The following GNB1L variants were observed in gnomAD, a reference collection of about 807,000 sequenced individuals.
GNB1L encodes G protein subunit beta 1 like.
Under a neutral mutation model 29.1 loss-of-function variants are expected in GNB1L, and 20 were observed. That is an observed-to-expected ratio of 0.69 (90% CI 0.48 to 1.00). The LOEUF is 1.00. Ranked by LOEUF, GNB1L falls within the 50% of genes least tolerant of loss-of-function variation. The probability of loss-of-function intolerance (pLI) is 0.00; values close to 1 mark genes in which losing one functional copy is unlikely to be tolerated. For synonymous variants in GNB1L, 193 were observed against 206.5 expected, an observed-to-expected ratio of 0.93 and a Z score of 0.56; for missense variants, 421 against 464.9, an observed-to-expected ratio of 0.91 and a Z score of 0.87.
At position 19,812,316 on chromosome 22, in the gene GNB1L, G is replaced by A. The variant is rs373590723; in HGVS notation, c.386C>T (p.Thr129Met). Residue 129 changes from threonine to methionine, a missense_variant, in exon 5 of 8, where the codon ACG becomes ATG. Physicochemically the swap from Thr to Met is moderately conservative, Grantham distance 81 (BLOSUM62 -1). Transcript: ENST00000329517. ...SILAGGQPRWTLAVPGRGSDE... is the reference protein window; with the variant it reads ...SILAGGQPRWMLAVPGRGSDE... ...GCTGCCCCTCCCTGGCACGGCAAGCGTCCAGCGTGGCTGGCCCCCGGCCAG... is the reference window on the plus strand; with the variant it reads ...GCTGCCCCTCCCTGGCACGGCAAGCATCCAGCGTGGCTGGCCCCCGGCCAG... 3.4e-5 allele frequency: 55 copies of A among 1,612,860 alleles called. No individual in the cohort carries two copies. Among genetic ancestry groups the A allele is most frequent in the African/African-American group, 4.0e-5 (3 of 74,936 alleles).
chr22:19,852,279 G>A, intron 2 of GNB1L: 1 of 1,584,516 alleles, frequency 6.3e-7, no homozygotes, highest in Non-Finnish European at 8.6e-7. Flanking sequence ...GCACAGGGGA[G>A]AAGAGAGGAG....
At chr22:19,793,056 A>C in intron 7 of GNB1L, 1 of 1,595,268 alleles carries the variant, frequency 6.3e-7, no homozygotes, top group Non-Finnish European at 8.5e-7. Flanking sequence ...CAAGCTCGAA[A>C]AGGCAAAGGC....
intron 2 of GNB1L, chr22:19,851,007 T>C: frequency 7.0e-7 from 1 of 1,419,268 alleles, no homozygotes; most frequent in Non-Finnish European, 9.2e-7. Flanking sequence ...GGGGAGCTGG[T>C]TCTGCTCAGC....
At chr22:19,795,995 G>C (rs1278666191) in intron 7 of GNB1L, among the ~76,000 whole-genome samples, 1 of 152,224 alleles carries the variant, frequency 6.6e-6, no homozygotes, top group Non-Finnish European at 1.5e-5. Context: ...AATCATCGAT[G>C]TGAGAACTGG....
chr22:19,792,674 C>A, intron 7 of GNB1L: 1 of 1,469,582 alleles, frequency 6.8e-7, no homozygotes, highest in Non-Finnish European at 9.4e-7. Flanking sequence ...GCAAACGGGA[C>A]GTCCCCACCA....
chr22:19,823,018 G>A (rs938942910), intron 2 of GNB1L, among the ~76,000 whole-genome samples: 8 of 152,194 alleles, frequency 5.3e-5, no homozygotes, highest in African/African-American at 1.9e-4. Context: ...GGCGGCATGG[G>A]GGAGGGCAGG....
intron 2 of GNB1L, chr22:19,846,448 T>G: frequency 5.1e-6 from 5 of 985,328 alleles, no homozygotes; most frequent in Non-Finnish European, 6.0e-6. Flanking sequence ...CTCCTCAGTA[T>G]GGGCCCCAGA....
At position 19,802,074 on chromosome 22, in the gene GNB1L, T is replaced by G; in HGVS notation, c.659A>C (p.Lys220Thr). ...CGCGGAGCCTGAGATGCCCCTGGCC[T>G]TCTGGGAGTCAAAGTCAAGGTCCAT... is the stretch of plus-strand genomic sequence containing the variant. ...PVMDLDFDSQKARGISGSAGK... is the reference protein window; with the variant it reads ...PVMDLDFDSQTARGISGSAGK... Residue 220 changes from lysine (K) to threonine (T), a missense_variant, in exon 7 of 8, where the codon AAG (lysine) becomes ACG (threonine). Transcript: ENST00000329517. The G allele has an allele frequency of 6.2e-7, 1 of 1,613,410 alleles. No individual in the cohort carries two copies. The highest frequency in any genetic ancestry group is 1.1e-5 in the South Asian group (1 of 91,032).
At position 19,801,850 on chromosome 22, in the gene GNB1L, C is replaced by T. The variant is rs918343719; in HGVS notation, c.732+151G>A. ...GCGCCCACGCCCCCTTCTTCCTGCG[C>T]CAGCCATGGACAGCCCCCCTGCACC... is the stretch of plus-strand genomic sequence containing the variant. On this transcript the variant is annotated intron_variant, in intron 7 of 7. Transcript: ENST00000329517. 1.0e-5 allele frequency: 7 copies of T among 681,842 alleles called. No homozygotes were observed. The Admixed American group carries it at 1.2e-4, about 11-fold the overall frequency. 42.2% of individuals were successfully genotyped at this position (681,842 alleles called of 1,614,324 possible). A position where few individuals can be genotyped will look rare whatever the true frequency, so the allele number is the denominator to read the frequency against.
intron 2 of GNB1L, among the ~76,000 whole-genome samples, chr22:19,832,030 TA>T (rs1480168587): frequency 2.0e-5 from 3 of 152,142 alleles, no homozygotes; most frequent in Non-Finnish European, 4.4e-5. Flanking sequence ...GGACAAAATA[TA>T]AAAAGCAACT....
chr22:19,839,308 GA>G, intron 2 of GNB1L, among the ~76,000 whole-genome samples: 1 of 152,206 alleles, frequency 6.6e-6, no homozygotes, highest in South Asian at 2.1e-4. Flanking sequence ...ATCTAGGGGG[GA>G]TGATGAATGA....
rs1425400098 is a variant in GNB1L at position 19,821,378 on chromosome 22, G to C, written c.-20-3C>G. 1 of 1,609,742 alleles carries C rather than the reference G, an allele frequency of 6.2e-7. No homozygotes were observed. The highest frequency in any genetic ancestry group is 2.2e-5 in the East Asian group (1 of 44,840). On this transcript the variant is annotated splice_polypyrimidine_tract_variant and splice_region_variant and intron_variant, in intron 2 of 7. Coordinates refer to ENST00000329517, the MANE Select transcript of GNB1L (RefSeq NM_053004.3). Reference sequence around the variant, plus strand: ...CATGCTGGGCAGGATGCAGTTACCTGGGCACCAAGGGAGGGCGTGTGAGTG... The same window carrying C: ...CATGCTGGGCAGGATGCAGTTACCTCGGCACCAAGGGAGGGCGTGTGAGTG...
In GNB1L at chr22:19,784,441, G is replaced by A. The variant is rs1192832557; in HGVS notation, c.*4268C>T. 2 of 152,282 alleles carry A rather than the reference G, an allele frequency of 1.3e-5. No individual in the cohort carries two copies. The highest frequency in any genetic ancestry group is 2.1e-4 in the South Asian group (1 of 4,832). The allele number at this position is 152,282 out of a possible 1,614,324, so 9.4% of individuals were successfully genotyped here. ...GGGACACCCACTGCCAGAGGCGGAG[G>A]CAGGTTCTCCTGGTCCCAGACCCAG... On this transcript the variant is annotated 3_prime_UTR_variant, in exon 8 of 8. Transcript: ENST00000329517.
chr22:19,819,507 A>ACGTT (rs1230292401), intron 4 of GNB1L, among the ~76,000 whole-genome samples: 1 of 152,174 alleles, frequency 6.6e-6, no homozygotes, highest in Non-Finnish European at 1.5e-5. Flanking sequence ...CCATCGCCAT[A>ACGTT]CGTTCACTAG....
At chr22:19,848,277 C>T (rs1362132805) in intron 2 of GNB1L, 27 of 985,316 alleles carry the variant, frequency 2.7e-5, no homozygotes, top group Non-Finnish European at 3.3e-5. Context: ...AGAGCCAGCA[C>T]CATGGCCCGT....
chr22:19,830,727 T>G (rs752013033), intron 2 of GNB1L, among the ~76,000 whole-genome samples: 40 of 152,306 alleles, frequency 2.6e-4, no homozygotes, highest in Admixed American at 7.8e-4. Context: ...AAATGTAGCA[T>G]GCACAGAAAA....
At chr22:19,821,035 G>A (rs1295297445) in intron 3 of GNB1L, among the ~76,000 whole-genome samples, 193 bp downstream of exon 3, 1 of 151,580 alleles carries the variant, frequency 6.6e-6, no homozygotes, top group Non-Finnish European at 1.5e-5. Flanking sequence ...GTAACAAAGA[G>A]TGTGTGTGTG....
At chr22:19,792,029 T>C (rs1279405579) in intron 7 of GNB1L, among the ~76,000 whole-genome samples, 2 of 152,144 alleles carry the variant, frequency 1.3e-5, no homozygotes, top group South Asian at 2.1e-4. Flanking sequence ...CTGAACTCCA[T>C]ACCAGAATGA....
At chr22:19,821,408 C>T (rs1051493980) in intron 2 of GNB1L, 33 bp from the exon 3 acceptor site, 61 of 1,592,302 alleles carry the variant, frequency 3.8e-5, no homozygotes, top group East Asian at 1.3e-4. Flanking sequence ...TGAGTGACTG[C>T]GTCCCTATTC....
Sources: gnomAD v4.1 joint callset for allele counts (sites outside exome capture counted in the v4.1 genomes callset) on GRCh38, gnomAD v4.1.1 for gene constraint, MANE v1.5 for transcripts, NCBI Gene and HGNC (gene_info 2026-07-23, HGNC 2026-07-21) for gene names.